Variants in TMEM181 observed in about 807,000 individuals in gnomAD.
TMEM181 encodes transmembrane protein 181, also known as G protein-coupled receptor 178.
In TMEM181, 39 loss-of-function variants were observed where a neutral mutation model predicts 71.9. That is an observed-to-expected ratio of 0.54 (90% CI 0.42 to 0.71). The LOEUF (loss-of-function observed/expected upper bound fraction) is 0.71, where lower values mean the gene tolerates loss of function less well. TMEM181 is among the 30% of genes least tolerant of loss of function. TMEM181 has a pLI of 0.00. For missense variants in TMEM181, 595 were observed against 583.0 expected, an observed-to-expected ratio of 1.02 and a Z score of -0.21; for synonymous variants, 245 against 228.8, an observed-to-expected ratio of 1.07 and a Z score of -0.64.
At chr6:158,572,339 G>T in intron 1 of TMEM181, 1 of 452,938 alleles carries the variant, frequency 2.2e-6, no homozygotes, top group Non-Finnish European at 4.4e-6. Context: ...GGGTGGACGT[G>T]CGGCTGCCTG....
intron 6 of TMEM181, among the ~76,000 whole-genome samples, chr6:158,590,451 T>C (rs890366612): frequency 3.3e-5 from 5 of 152,072 alleles, no homozygotes; most frequent in Admixed American, 3.3e-4. Context: ...GTGGTTTTTT[T>C]TTGTTTTGTT....
chr6:158,607,493 C>T (rs529111949), intron 8 of TMEM181, 150 bp downstream of exon 8: 2 of 679,526 alleles, frequency 2.9e-6, no homozygotes, highest in Non-Finnish European at 5.1e-6. Context: ...GCCTGGGTAA[C>T]ATAGCAAGAC....
chr6:158,541,824 TGA>T (rs1781359660), intron 1 of TMEM181, among the ~76,000 whole-genome samples: 7 of 116,490 alleles, frequency 6.0e-5, no homozygotes, highest in Non-Finnish European at 9.6e-5. Flanking sequence ...AACTATTGAC[TGA>T]CAACTCTGTC....
chr6:158,608,276 T>A, intron 8 of TMEM181, 57 bp from the exon 9 acceptor site: 2 of 1,609,608 alleles, frequency 1.2e-6, no homozygotes, highest in Non-Finnish European at 1.7e-6. Flanking sequence ...TGGGGTGCTG[T>A]CTGCCAGGTG....
intron 6 of TMEM181, among the ~76,000 whole-genome samples, chr6:158,592,496 G>T (rs1034320381): frequency 6.6e-6 from 1 of 151,470 alleles, no homozygotes; most frequent in South Asian, 2.1e-4. Flanking sequence ...TTTCTGAAAC[G>T]GAGTCTCACT....
chr6:158,600,168 T>C (rs547264705), intron 6 of TMEM181, among the ~76,000 whole-genome samples: 4 of 152,108 alleles, frequency 2.6e-5, no homozygotes, highest in African/African-American at 9.7e-5. Flanking sequence ...TGTTTTCTAG[T>C]GTTAATTTTT....
At chr6:158,628,137 G>T in intron 13 of TMEM181, 1 of 622,348 alleles carries the variant, frequency 1.6e-6, no homozygotes, top group Non-Finnish European at 3.0e-6. Flanking sequence ...GGGAGAGTGT[G>T]ATGGGGCCTG....
upstream of TMEM181, among the ~76,000 whole-genome samples, chr6:158,557,527 T>TATTTA (rs1026084549): frequency 2.0e-5 from 3 of 151,872 alleles, no homozygotes; most frequent in African/African-American, 4.8e-5. Context: ...TTTATTTATT[T>TATTTA]ATTTATTTGA....
At chr6:158,610,682 A>T in intron 10 of TMEM181, 1 of 281,848 alleles carries the variant, frequency 3.5e-6, no homozygotes, top group Admixed American at 3.8e-5. Flanking sequence ...TGAGGCCTCC[A>T]CATCTCTGGA....
At chr6:158,557,578 C>T (rs992158590), upstream of TMEM181, among the ~76,000 whole-genome samples, 1 of 151,696 alleles carries the variant, frequency 6.6e-6, no homozygotes, top group Non-Finnish European at 1.5e-5. Context: ...AGTGCAGTGG[C>T]GTGATCTTGG....
intron 7 of TMEM181, among the ~76,000 whole-genome samples, chr6:158,605,573 G>A (rs1358783876): frequency 1.3e-5 from 2 of 152,178 alleles, no homozygotes; most frequent in Non-Finnish European, 2.9e-5. Flanking sequence ...GTGCACGTCC[G>A]TGACTTTTAA....
At position 158,584,097 on chromosome 6, in the gene TMEM181, A is replaced by G. The variant is rs1582985538; in HGVS notation, c.259+53A>G. On this transcript the variant is annotated intron_variant, in intron 4 of 16. Transcript: ENST00000684151. Reference sequence around the variant, plus strand: ...TTTTCATTATACGAAGAAACATCGTATTTTAGATGTTGACTTCAGAATATT... The same window carrying G: ...TTTTCATTATACGAAGAAACATCGTGTTTTAGATGTTGACTTCAGAATATT... 4 of 1,455,088 alleles carry G rather than the reference A, an allele frequency of 2.7e-6. No individual in the cohort carries two copies. In the East Asian group the frequency reaches 9.2e-5, roughly 34 times the overall value. The allele number at this position is 1,455,088 out of a possible 1,614,324, so 90.1% of individuals were successfully genotyped here. A position where few individuals can be genotyped will look rare whatever the true frequency, so the allele number is the denominator to read the frequency against.
At chr6:158,538,864 G>A (rs1781234641) in intron 1 of TMEM181, among the ~76,000 whole-genome samples, 1 of 152,188 alleles carries the variant, frequency 6.6e-6, no homozygotes, top group Non-Finnish European at 1.5e-5. Context: ...AAGGAGTATT[G>A]CAAAGTCCCT....
intron 1 of TMEM181, among the ~76,000 whole-genome samples, chr6:158,545,823 A>C (rs1781510178): frequency 6.6e-6 from 1 of 152,006 alleles, no homozygotes. Context: ...CAGCCTCCTG[A>C]ATAACTGGAG....
chr6:158,608,021 G>A (rs144706689), intron 8 of TMEM181, among the ~76,000 whole-genome samples: 7 of 152,376 alleles, frequency 4.6e-5, no homozygotes, highest in African/African-American at 7.2e-5. Flanking sequence ...GCGCTCTGTC[G>A]TGATCAGTGC....
chr6:158,601,259 C>T (rs1242990544), intron 6 of TMEM181, among the ~76,000 whole-genome samples: 1 of 152,182 alleles, frequency 6.6e-6, no homozygotes, highest in East Asian at 1.9e-4. Flanking sequence ...CATTAAAATG[C>T]TATGATAGGC....
At chr6:158,626,764 A>ACT (rs2128329722) in intron 13 of TMEM181, 1 of 457,160 alleles carries the variant, frequency 2.2e-6, no homozygotes. Flanking sequence ...TCACAACCTC[A>ACT]CATAGAGGCT....
At chr6:158,626,463 C>T in intron 13 of TMEM181, 1 of 456,606 alleles carries the variant, frequency 2.2e-6, no homozygotes, top group Non-Finnish European at 4.4e-6. Flanking sequence ...GGATGTTGGC[C>T]CTTTTCCTTT....
rs776439197 is a variant in TMEM181 at position 158,536,744 on chromosome 6, GAGT to G, written c.12_14del (p.Glu4_Tyr5delinsAsp). On this transcript the variant is annotated inframe_deletion, in exon 1 of 17. Transcript: ENST00000367090. ...CGGGAGGCTGCGCGGCATGGACGCCGAGTACCCTGCCTTTGAGCCCCCGCTCTG... is the reference window on the plus strand; with the variant it reads ...CGGGAGGCTGCGCGGCATGGACGCCGACCCTGCCTTTGAGCCCCCGCTCTG... 5 of 1,577,634 alleles carry G rather than the reference GAGT, an allele frequency of 3.2e-6. No individual in the cohort carries two copies. The East Asian group carries it at 1.2e-4, about 38-fold the overall frequency.
Sources: allele counts gnomAD v4.1 joint callset (sites outside exome capture counted in the v4.1 genomes callset), GRCh38; gene constraint gnomAD v4.1.1; transcripts MANE v1.5; gene names NCBI Gene and HGNC (gene_info 2026-07-23, HGNC 2026-07-21).